The following PPP3R1 variants were observed in gnomAD, a reference collection of about 807,000 sequenced individuals.
PPP3R1 encodes the protein protein phosphatase 3 regulatory subunit B, alpha.
In PPP3R1, 5 loss-of-function variants were observed where a neutral mutation model predicts 22.6. The ratio of observed to expected loss-of-function variants is 0.22; its 90% confidence interval spans 0.12 to 0.46. The LOEUF (loss-of-function observed/expected upper bound fraction) is 0.46, where lower values mean the gene tolerates loss of function less well. Ranked by LOEUF, PPP3R1 falls within the 20% of genes least tolerant of loss-of-function variation. PPP3R1 has a pLI of 0.99. For missense variants in PPP3R1, 61 were observed against 203.2 expected, an observed-to-expected ratio of 0.30 and a Z score of 4.25; for synonymous variants, 56 against 65.2, an observed-to-expected ratio of 0.86 and a Z score of 0.68.
chr2:68,184,967 T>A lies in PPP3R1; in HGVS notation c.465+1501A>T, dbSNP rs955278894. ...CAGGCGCAGTGGCTCACGCCTATAA[T>A]CCCAGCACTTTGGGAGGCCAAGGCA... is the stretch of plus-strand genomic sequence containing the variant. On this transcript the variant is annotated intron_variant, in intron 5 of 5. Transcript: ENST00000234310. 5.3e-5 allele frequency among the ~76,000 whole-genome samples: 8 copies of A among 152,266 alleles called. No homozygotes were observed. In the South Asian group the frequency reaches 1.7e-3, roughly 32 times the overall value.
intron 1 of PPP3R1, among the ~76,000 whole-genome samples, chr2:68,251,458 G>C (rs1048738300): frequency 6.6e-6 from 1 of 152,180 alleles, no homozygotes; most frequent in African/African-American, 2.4e-5. Context: ...GTATGTTTTC[G>C]TGAACAAACA....
chr2:68,216,713 A>G (rs1259901869), intron 2 of PPP3R1, among the ~76,000 whole-genome samples: 1 of 152,122 alleles, frequency 6.6e-6, no homozygotes, highest in Non-Finnish European at 1.5e-5. Flanking sequence ...AGCATTAGAG[A>G]TGGTGGCATT....
At chr2:68,247,494 G>A (rs765495516) in intron 1 of PPP3R1, among the ~76,000 whole-genome samples, 2 of 152,144 alleles carry the variant, frequency 1.3e-5, no homozygotes, top group African/African-American at 2.4e-5. Context: ...TATGTAGCAG[G>A]CACTGTTAAT....
intron 2 of PPP3R1, among the ~76,000 whole-genome samples, chr2:68,212,746 G>A (rs1669511848): frequency 6.6e-6 from 1 of 152,220 alleles, no homozygotes; most frequent in African/African-American, 2.4e-5. Context: ...CACAGGAGAG[G>A]AAATTTAGCA....
chr2:68,232,651 G>C (rs1287001312), intron 1 of PPP3R1, among the ~76,000 whole-genome samples: 1 of 151,924 alleles, frequency 6.6e-6, no homozygotes, highest in African/African-American at 2.4e-5. Context: ...CTGTCACCCA[G>C]GCTGGAGTGC....
chr2:68,217,189 T>G, intron 1 of PPP3R1, 58 bp from the exon 2 acceptor site: 1 of 1,265,062 alleles, frequency 7.9e-7, no homozygotes, highest in South Asian at 1.4e-5. Flanking sequence ...GTTTAAAATA[T>G]TAAACCTAAA....
At chr2:68,246,530 C>T (rs1460423932) in intron 1 of PPP3R1, among the ~76,000 whole-genome samples, 2 of 152,174 alleles carry the variant, frequency 1.3e-5, no homozygotes, top group African/African-American at 2.4e-5. Context: ...CTACTATTGA[C>T]CAAGTCATCA....
At chr2:68,250,342 C>T (rs1670323422) in intron 1 of PPP3R1, among the ~76,000 whole-genome samples, 1 of 152,146 alleles carries the variant, frequency 6.6e-6, no homozygotes. Context: ...CAGTTTCAGT[C>T]TGTTGTTCAA....
chr2:68,225,751 A>G (rs1302121214), intron 1 of PPP3R1, among the ~76,000 whole-genome samples: 3 of 152,246 alleles, frequency 2.0e-5, no homozygotes, highest in South Asian at 4.1e-4. Flanking sequence ...GTGAAGATGT[A>G]GAGCAAATGA....
intron 2 of PPP3R1, among the ~76,000 whole-genome samples, chr2:68,203,460 G>C (rs908283848): frequency 6.6e-6 from 1 of 152,082 alleles, no homozygotes; most frequent in Non-Finnish European, 1.5e-5. Context: ...AATTAACCAG[G>C]TGTGGTGGCA....
chr2:68,251,511 A>T (rs981343439), intron 1 of PPP3R1, among the ~76,000 whole-genome samples: 116 of 152,236 alleles, frequency 7.6e-4, no homozygotes, highest in Admixed American at 4.6e-4. Flanking sequence ...GCAAAGCAGC[A>T]GCGAACGGAA....
In PPP3R1 at chr2:68,202,402, G is replaced by A. The variant is rs549568989; in HGVS notation, c.44-13712C>T. On this transcript the variant is annotated intron_variant, in intron 2 of 5. Coordinates refer to ENST00000234310, the MANE Select transcript of PPP3R1 (RefSeq NM_000945.4). ...AGCCAGTCCTTCCTTTTCTTTTTTC[G>A]TTTTTTGTTGTTGTTGTTGTTGTTG... is the stretch of plus-strand genomic sequence containing the variant. 1.6e-4 allele frequency among the ~76,000 whole-genome samples: 18 copies of A among 114,950 alleles called. No homozygotes were observed. In the South Asian group the frequency reaches 2.2e-3, roughly 14 times the overall value. The allele number at this position is 114,950 out of a possible 152,430, so 75.4% of individuals were successfully genotyped here. A position where few individuals can be genotyped will look rare whatever the true frequency, so the allele number is the denominator to read the frequency against.
chr2:68,180,889 T>C lies in PPP3R1; in HGVS notation c.*74A>G. On this transcript the variant is annotated 3_prime_UTR_variant, in exon 6 of 6. Transcript: ENST00000234310. Reference sequence around the variant, plus strand: ...TTCCATTTAAATACACAGAGAGCATTGCTGGACGTCTTGAGCAGATCTTCA... The same window carrying C: ...TTCCATTTAAATACACAGAGAGCATCGCTGGACGTCTTGAGCAGATCTTCA... 7.0e-7 allele frequency: 1 copy of C among 1,428,420 alleles called. No homozygotes were observed. The highest frequency in any genetic ancestry group is 1.8e-5 in the Admixed American group (1 of 56,718). The allele number at this position is 1,428,420 out of a possible 1,614,324, so 88.5% of individuals were successfully genotyped here. A position where few individuals can be genotyped will look rare whatever the true frequency, so the allele number is the denominator to read the frequency against.
chr2:68,184,567 A>G (rs994685302), intron 5 of PPP3R1, among the ~76,000 whole-genome samples: 2 of 152,210 alleles, frequency 1.3e-5, no homozygotes, highest in African/African-American at 2.4e-5. Flanking sequence ...ATTTGTATAC[A>G]TTAAGTACTC....
Position 68,188,611 on chromosome 2 carries a change from T to C in PPP3R1, c.123A>G (p.Glu41=), listed in dbSNP as rs909975831. The C allele has an allele frequency of 2.5e-6, 4 of 1,613,592 alleles. No homozygotes were observed. ...DLDNSGSLSV[E]EFMSLPELQQ... ...GTAACTCAGGCAGAGACATGAACTC[T>C]TCCACACTCAAAGAACCAGAATTGT... Residue 41 remains glutamate (E), a synonymous_variant, in exon 3 of 6, where the codon GAA becomes GAG. Transcript: ENST00000234310.
At chr2:68,251,482 C>G (rs1247372179) in intron 1 of PPP3R1, among the ~76,000 whole-genome samples, 1 of 152,186 alleles carries the variant, frequency 6.6e-6, no homozygotes, top group African/African-American at 2.4e-5. Context: ...TGGATCTTTC[C>G]GGTTCGCCAG....
intron 2 of PPP3R1, among the ~76,000 whole-genome samples, chr2:68,200,462 T>C (rs1401144273): frequency 3.3e-5 from 5 of 152,348 alleles, no homozygotes; most frequent in Non-Finnish European, 5.9e-5. Context: ...CTTAGAATTA[T>C]TTTCAGTGCT....
At chr2:68,225,580 T>C (rs947367750) in intron 1 of PPP3R1, among the ~76,000 whole-genome samples, 1 of 152,228 alleles carries the variant, frequency 6.6e-6, no homozygotes, top group African/African-American at 2.4e-5. Context: ...AACCCAGTCA[T>C]GCAGTGGTGA....
intron 2 of PPP3R1, among the ~76,000 whole-genome samples, chr2:68,204,652 T>C (rs1218728996): frequency 6.6e-6 from 1 of 152,198 alleles, no homozygotes; most frequent in East Asian, 1.9e-4. Flanking sequence ...TTAAAAGAAT[T>C]AATGTATGTA....
Sources: allele counts gnomAD v4.1 joint callset (sites outside exome capture counted in the v4.1 genomes callset), GRCh38; gene constraint gnomAD v4.1.1; transcripts MANE v1.5; gene names NCBI Gene and HGNC (gene_info 2026-07-23, HGNC 2026-07-21).